Variants in OR7E24 observed in about 807,000 individuals in gnomAD.
OR7E24 encodes the protein olfactory receptor family 7 subfamily E member 24.
For missense variants in OR7E24, 385 were observed against 410.3 expected, an observed-to-expected ratio of 0.94 and a Z score of 0.53; for synonymous variants, 130 against 157.5, an observed-to-expected ratio of 0.83 and a Z score of 1.31.
the OR7E24 span, chr19:9,235,911 T>G: frequency 1.3e-4 from 212 of 1,608,282 alleles, no homozygotes; most frequent in African/African-American, 2.2e-3. Flanking sequence ...GAACAGGACT[T>G]GGGGTCTATC....
Position 9,251,885 on chromosome 19 carries a change from C to T in OR7E24, c.842C>T (p.Ala281Val). 2 of 1,614,150 alleles carry T rather than the reference C, an allele frequency of 1.2e-6. No individual in the cohort carries two copies. The highest frequency in any genetic ancestry group is 1.7e-6 in the Non-Finnish European group (2 of 1,180,022). ...GTGLVGYLSS[A>V]VLPSPRKSMV... ...GGGCTTGTAGGGTACCTCAGTTCAG[C>T]TGTGTTACCATCCCCCAGGAAGAGT... Residue 281 changes from alanine (A) to valine (V), a missense_variant, in exon 1 of 1, where the codon GCT becomes GTT. Ala to Val is a moderately conservative substitution (Grantham distance 64, BLOSUM62 0). Coordinates refer to ENST00000456448, the MANE Select transcript of OR7E24 (RefSeq NM_001079935.2).
At chr19:9,231,794 C>T in the OR7E24 span, among the ~76,000 whole-genome samples, 5 of 152,036 alleles carry the variant, frequency 3.3e-5, no homozygotes, top group African/African-American at 7.2e-5. Flanking sequence ...TACATGTTCA[C>T]GGTGTATGAT....
the OR7E24 span, among the ~76,000 whole-genome samples, chr19:9,239,018 A>T: frequency 5.3e-5 from 8 of 152,174 alleles, no homozygotes. Context: ...CTTTCATATA[A>T]ACTCAGTAGT....
At chr19:9,225,840 C>T in the OR7E24 span, among the ~76,000 whole-genome samples, 1 of 152,228 alleles carries the variant, frequency 6.6e-6, no homozygotes, top group South Asian at 2.1e-4. Flanking sequence ...AGCCTGCAGC[C>T]TCAATCCCCT....
upstream of OR7E24, among the ~76,000 whole-genome samples, chr19:9,249,278 T>C (rs988736347): frequency 6.6e-6 from 1 of 152,210 alleles, no homozygotes; most frequent in Non-Finnish European, 1.5e-5. Flanking sequence ...TGTATCTTGC[T>C]TGGTACAGAG....
chr19:9,214,703 G>A, the OR7E24 span: 1 of 1,614,122 alleles, frequency 6.2e-7, no homozygotes, highest in Non-Finnish European at 8.5e-7. Flanking sequence ...CGGCCAGAAT[G>A]ATGAGCAGGT....
chr19:9,248,088 C>T (rs2066135499), upstream of OR7E24, among the ~76,000 whole-genome samples: 1 of 152,094 alleles, frequency 6.6e-6, no homozygotes, highest in East Asian at 1.9e-4. Context: ...TACATTCCTC[C>T]CATGCTGATT....
At chr19:9,245,210 G>A (rs937495065), upstream of OR7E24, among the ~76,000 whole-genome samples, 12 of 150,266 alleles carry the variant, frequency 8.0e-5, no homozygotes, top group East Asian at 1.2e-3. Flanking sequence ...GCAAGACTCC[G>A]TCTCAATAAA....
At chr19:9,246,618 A>T (rs1038367807), upstream of OR7E24, among the ~76,000 whole-genome samples, 6 of 152,080 alleles carry the variant, frequency 3.9e-5, no homozygotes, top group Non-Finnish European at 7.4e-5. Context: ...CCACCAACAG[A>T]TGACTGGAGA....
chr19:9,252,122 T>G lies in OR7E24; in HGVS notation c.*59T>G. On this transcript the variant is annotated 3_prime_UTR_variant, in exon 1 of 1. Coordinates refer to ENST00000456448, the MANE Select transcript of OR7E24 (RefSeq NM_001079935.2). ...AATTCTGCCTCCTTGGTCACATTAT[T>G]TTGGTTGCTTGATGGCTTTCATTCC... 1 of 1,461,312 alleles carries G rather than the reference T, an allele frequency of 6.8e-7. No homozygotes were observed. The highest frequency in any genetic ancestry group is 1.3e-5 in the South Asian group (1 of 78,036). 90.5% of individuals were successfully genotyped at this position (1,461,312 alleles called of 1,614,324 possible). A position where few individuals can be genotyped will look rare whatever the true frequency, so the allele number is the denominator to read the frequency against.
At chr19:9,212,648 A>G in the OR7E24 span, 1 of 152,200 alleles carries the variant, frequency 6.6e-6, no homozygotes, top group Admixed American at 6.5e-5. Context: ...ATAGCATGTC[A>G]GACTCATTCT....
chr19:9,237,404 G>A, the OR7E24 span, among the ~76,000 whole-genome samples: 2 of 151,962 alleles, frequency 1.3e-5, no homozygotes, highest in Non-Finnish European at 2.9e-5. Flanking sequence ...TCCGCCTCCC[G>A]GGTTCATGCC....
At chr19:9,220,806 G>A in the OR7E24 span, among the ~76,000 whole-genome samples, 598 of 152,186 alleles carry the variant, frequency 3.9e-3, 1 homozygote, top group Admixed American at 7.8e-3. Flanking sequence ...CATAATGGTT[G>A]TACTAATTTA....
the OR7E24 span, among the ~76,000 whole-genome samples, chr19:9,224,900 T>G: frequency 6.6e-6 from 1 of 152,180 alleles, no homozygotes; most frequent in Admixed American, 6.5e-5. Flanking sequence ...GGAGATTATG[T>G]TGGTATGTGG....
At chr19:9,235,416 C>T in the OR7E24 span, 1 of 1,603,128 alleles carries the variant, frequency 6.2e-7, no homozygotes, top group Non-Finnish European at 8.5e-7. Context: ...GGAGCAAAGA[C>T]ATCTCCTACA....
upstream of OR7E24, among the ~76,000 whole-genome samples, chr19:9,245,346 C>A (rs971359863): frequency 6.6e-6 from 1 of 152,154 alleles, no homozygotes; most frequent in African/African-American, 2.4e-5. Context: ...ATAAAAATCA[C>A]AATGAGATAC....
At chr19:9,214,296 G>A in the OR7E24 span, 208 of 1,614,060 alleles carry the variant, frequency 1.3e-4, no homozygotes, top group African/African-American at 5.1e-4. Context: ...GACCTGAGCC[G>A]GTTCACAGAA....
chr19:9,234,522 C>T, the OR7E24 span, among the ~76,000 whole-genome samples: 4 of 152,140 alleles, frequency 2.6e-5, no homozygotes, highest in African/African-American at 9.7e-5. Context: ...AGTAGCATTA[C>T]TATAGTTAAC....
the OR7E24 span, chr19:9,214,934 G>T: frequency 1.5e-6 from 1 of 687,914 alleles, no homozygotes; most frequent in Non-Finnish European, 2.5e-6. Flanking sequence ...ATCACCTTTT[G>T]ATGGACATTT....
Sources: gnomAD v4.1 joint callset for allele counts (sites outside exome capture counted in the v4.1 genomes callset) on GRCh38, gnomAD v4.1.1 for gene constraint, MANE v1.5 for transcripts, NCBI Gene and HGNC (gene_info 2026-07-23, HGNC 2026-07-21) for gene names.